Variants in UTRN observed in about 807,000 individuals in gnomAD.
UTRN encodes dystrophin-related protein 1.
In UTRN, 283 loss-of-function variants were observed where a neutral mutation model predicts 463.9. The observed-to-expected ratio is 0.61, with a 90% confidence interval of 0.55 to 0.67. The LOEUF (loss-of-function observed/expected upper bound fraction) is 0.67, where lower values mean the gene tolerates loss of function less well. Ranked by LOEUF, UTRN falls within the 30% of genes least tolerant of loss-of-function variation. The pLI is 0.00. For missense variants in UTRN, 3,922 were observed against 4,084.3 expected, an observed-to-expected ratio of 0.96 and a Z score of 1.08; for synonymous variants, 1,442 against 1,431.5, an observed-to-expected ratio of 1.01 and a Z score of -0.17.
chr6:144,511,925 A>G (rs971675524), intron 35 of UTRN, among the ~76,000 whole-genome samples: 1 of 152,226 alleles, frequency 6.6e-6, no homozygotes, highest in Non-Finnish European at 1.5e-5. Flanking sequence ...TAGGACTTTT[A>G]TCAAATTTAT....
chr6:144,443,962 A>C (rs570139026), intron 13 of UTRN, among the ~76,000 whole-genome samples: 1 of 152,298 alleles, frequency 6.6e-6, no homozygotes, highest in African/African-American at 2.4e-5. Context: ...TTTTTTAATA[A>C]TATGTAAAAA....
chr6:144,811,117 T>A (rs1456157936), intron 65 of UTRN, among the ~76,000 whole-genome samples: 5 of 152,124 alleles, frequency 3.3e-5, no homozygotes, highest in East Asian at 1.9e-4. Context: ...GCCTTTTTTT[T>A]ATGAACTATA....
intron 54 of UTRN, among the ~76,000 whole-genome samples, chr6:144,742,999 G>GT (rs771137824): frequency 6.6e-6 from 1 of 152,142 alleles, no homozygotes; most frequent in African/African-American, 2.4e-5. Flanking sequence ...TTTCACAATA[G>GT]TTTTTTTGTA....
rs536740717 is a variant in UTRN, at chr6:144,346,467, C to G, written c.79+54560C>G. Among the ~76,000 whole-genome samples the G allele has an allele frequency of 1.4e-4, 21 of 152,204 alleles. No homozygotes were observed. In the South Asian group the frequency reaches 3.9e-3, roughly 29 times the overall value. On this transcript the variant is annotated intron_variant, in intron 2 of 74. Transcript: ENST00000367545. Reference sequence around the variant, plus strand: ...ATTGAACTGATTTTTTTGTGTGTGTCCATAGTGTAGGCTCTTTAGTCATCT... The same window carrying G: ...ATTGAACTGATTTTTTTGTGTGTGTGCATAGTGTAGGCTCTTTAGTCATCT...
chr6:144,401,803 C>T (rs532851177), intron 2 of UTRN, among the ~76,000 whole-genome samples: 8 of 152,148 alleles, frequency 5.3e-5, no homozygotes, highest in South Asian at 2.1e-4. Context: ...CTCTAATGAT[C>T]CTAGCAGAGG....
Position 144,458,901 on chromosome 6 carries a change from C to G in UTRN, c.2416C>G (p.Gln806Glu). 1 of 1,613,758 alleles carries G rather than the reference C, an allele frequency of 6.2e-7. No individual in the cohort carries two copies. Among genetic ancestry groups the G allele is most frequent in the Non-Finnish European group, 8.5e-7 (1 of 1,179,928 alleles). ...LQEDINAYFK[Q>E]LDELEKVIKT... ...GGAAGATATAAATGCTTATTTCAAG[C>G]AGCTTGATGAGCTTGAAAAGGTCAT... Residue 806 changes from glutamine to glutamate, a missense_variant, in exon 20 of 75, where the codon CAG (glutamine) becomes GAG (glutamate). Gln to Glu is a conservative substitution (Grantham distance 29). Coordinates refer to ENST00000367545, the MANE Select transcript of UTRN (RefSeq NM_007124.3).
At chr6:144,380,988 C>CT (rs879862142) in intron 2 of UTRN, among the ~76,000 whole-genome samples, 45 of 145,144 alleles carry the variant, frequency 3.1e-4, no homozygotes, top group South Asian at 1.1e-3. Flanking sequence ...TTTTTTCTTT[C>CT]TTTTTTTTTT....
At chr6:144,403,063 G>T in intron 2 of UTRN, 60 bp from the exon 3 acceptor site, 1 of 1,468,106 alleles carries the variant, frequency 6.8e-7, no homozygotes, top group Non-Finnish European at 9.5e-7. Flanking sequence ...CTTATTTGGT[G>T]CTTTACTAAA....
chr6:144,381,102 C>T (rs536711432), intron 2 of UTRN, among the ~76,000 whole-genome samples: 18 of 151,694 alleles, frequency 1.2e-4, no homozygotes, highest in South Asian at 8.3e-4. Flanking sequence ...GGTTTGTTTA[C>T]GGATTATTTC....
intron 34 of UTRN, among the ~76,000 whole-genome samples, chr6:144,509,377 C>T (rs1043856546): frequency 2.0e-5 from 3 of 151,826 alleles, no homozygotes; most frequent in Non-Finnish European, 4.4e-5. Flanking sequence ...TTTTAAACAT[C>T]CATGTTCATA....
At chr6:144,341,646 T>C (rs574672230) in intron 2 of UTRN, among the ~76,000 whole-genome samples, 1 of 152,330 alleles carries the variant, frequency 6.6e-6, no homozygotes, top group African/African-American at 2.4e-5. Flanking sequence ...TTATGACTAT[T>C]TACTGACAAA....
intron 54 of UTRN, among the ~76,000 whole-genome samples, chr6:144,733,690 A>G (rs987057979): frequency 6.6e-6 from 1 of 152,156 alleles, no homozygotes; most frequent in African/African-American, 2.4e-5. Context: ...CTTTCAAAAG[A>G]ACATTTTAAG....
chr6:144,777,771 A>C (rs1775462880), intron 60 of UTRN, among the ~76,000 whole-genome samples: 1 of 152,196 alleles, frequency 6.6e-6, no homozygotes, highest in African/African-American at 2.4e-5. Context: ...TATAAAAGGC[A>C]CCTGGGATTT....
chr6:144,554,918 G>T, intron 49 of UTRN, 25 bp downstream of exon 49: 2 of 1,611,938 alleles, frequency 1.2e-6, no homozygotes, highest in Non-Finnish European at 1.7e-6. Flanking sequence ...ATATTTTTTG[G>T]CAGTATTGTT....
Position 144,455,953 on chromosome 6 carries a change from G to A in UTRN, c.2284+2084G>A, listed in dbSNP as rs556368444. 3.9e-5 allele frequency among the ~76,000 whole-genome samples: 6 copies of A among 152,228 alleles called. No homozygotes were observed. In the East Asian group the frequency reaches 9.7e-4, roughly 25 times the overall value. On this transcript the variant is annotated intron_variant, in intron 19 of 74. Transcript: ENST00000367545. ...GCAACACTGGAGAATAGTTGACATG[G>A]GGCTTTTGTCACCTAATGTATACTT...
chr6:144,586,639 GTTAT>G (rs957606033), intron 51 of UTRN, among the ~76,000 whole-genome samples: 1 of 151,962 alleles, frequency 6.6e-6, no homozygotes, highest in Non-Finnish European at 1.5e-5. Flanking sequence ...TTAGAACTGG[GTTAT>G]TTGTGTTAAT....
intron 1 of UTRN, among the ~76,000 whole-genome samples, chr6:144,291,080 G>A (rs1234444045): frequency 6.6e-6 from 1 of 152,014 alleles, no homozygotes; most frequent in Non-Finnish European, 1.5e-5. Flanking sequence ...GTCCCTTGAC[G>A]ATCTTTTAAA....
chr6:144,347,837 G>GTTTTTTGTTTTTTTTTTTTTTTTTT (rs1777719107), intron 2 of UTRN, among the ~76,000 whole-genome samples: 1 of 128,902 alleles, frequency 7.8e-6, no homozygotes, highest in African/African-American at 3.4e-5. Flanking sequence ...CTTATTCTTT[G>GTTTTTTGTTTTTTTTTTTTTTTTTT]TTTTTTTTTT....
chr6:144,830,566 A>G (rs2128757684), intron 69 of UTRN, among the ~76,000 whole-genome samples: 1 of 152,288 alleles, frequency 6.6e-6, no homozygotes, highest in Non-Finnish European at 1.5e-5. Context: ...CATTTCACTA[A>G]TATCTATGCC....
Sources: allele counts gnomAD v4.1 joint callset (sites outside exome capture counted in the v4.1 genomes callset), GRCh38; gene constraint gnomAD v4.1.1; transcripts MANE v1.5; gene names NCBI Gene and HGNC (gene_info 2026-07-23, HGNC 2026-07-21).